Variants in INF2 observed in about 807,000 individuals in gnomAD.
INF2 encodes inverted formin-2.
INF2 carries 43 observed loss-of-function variants against 123.5 expected under a neutral mutation model. The ratio of observed to expected loss-of-function variants is 0.35; its 90% CI spans 0.27 to 0.45. INF2 has a LOEUF of 0.45. Among genes scored for constraint, INF2 ranks in the 20% least tolerant of loss-of-function variants. INF2 has a pLI of 1.00. For synonymous variants in INF2, 851 were observed against 745.0 expected, an observed-to-expected ratio of 1.14 and a Z score of -2.32; for missense variants, 1,453 against 1,682.7, an observed-to-expected ratio of 0.86 and a Z score of 2.39.
In INF2 at chr14:104,701,615, C is replaced by T. The variant is rs748379291; in HGVS notation, c.250C>T (p.Leu84=). The T allele has an allele frequency of 1.2e-6, 2 of 1,603,786 alleles. No homozygotes were observed. Among genetic ancestry groups the T allele is most frequent in the Non-Finnish European group, 8.5e-7 (1 of 1,177,972 alleles). Residue 84 remains leucine (L), a synonymous_variant, in exon 2 of 23, where the codon CTG becomes TTG. Transcript: ENST00000392634. ...LDLLLEALAR[L]SGRGVARISD... ...CCTGCTGCTGGAGGCGCTGGCGCGG[C>T]TGTCGGGCCGCGGCGTTGCACGTAT...
At chr14:104,704,508 C>T in intron 5 of INF2, 1 of 185,828 alleles carries the variant, frequency 5.4e-6, no homozygotes, top group South Asian at 1.2e-4. Flanking sequence ...CTGAGCTGCA[C>T]CTCATGTCAG....
chr14:104,689,589 C>T, upstream of INF2: 15 of 812,960 alleles, frequency 1.8e-5, no homozygotes, highest in Non-Finnish European at 2.1e-5. Context: ...CCTCCTCTTC[C>T]TCCCGCCCGC....
chr14:104,719,195 C>T lies in INF2; in HGVS notation c.*402C>T, dbSNP rs144360641. The T allele has an allele frequency of 2.7e-5, 6 of 218,580 alleles. No homozygotes were observed. The highest frequency in any genetic ancestry group is 5.4e-5 in the Non-Finnish European group (6 of 111,430). 13.5% of individuals were successfully genotyped at this position (218,580 alleles called of 1,614,324 possible). On this transcript the variant is annotated 3_prime_UTR_variant, in exon 23 of 23. Transcript: ENST00000392634. Reference sequence around the variant, plus strand: ...AATCAAAATGCAATGCTTTGCAAGTCTTTACTGCTTGGAGGTGGCTGAGTT... The same window carrying T: ...AATCAAAATGCAATGCTTTGCAAGTTTTTACTGCTTGGAGGTGGCTGAGTT...
upstream of INF2, chr14:104,689,202 A>C: frequency 1.0e-6 from 1 of 985,376 alleles, no homozygotes; most frequent in Non-Finnish European, 1.2e-6. Context: ...GGGACTCCGG[A>C]TCCGGCTGGC....
Position 104,707,370 on chromosome 14 carries a change from A to G in INF2, c.1103A>G (p.Gln368Arg), listed in dbSNP as rs1481694989. 5.6e-6 allele frequency: 9 copies of G among 1,595,812 alleles called. No homozygotes were observed. The East Asian group carries it at 1.8e-4, about 32-fold the overall frequency. Reference protein sequence around the residue: ...KSVQANLDQSQRGSSPQNTTT... With the variant: ...KSVQANLDQSRRGSSPQNTTT... ...GTCCAGGCCAACCTAGACCAGAGCCAGAGGGGCAGCTCCCCGCAAAACACT... is the reference window on the plus strand; with the variant it reads ...GTCCAGGCCAACCTAGACCAGAGCCGGAGGGGCAGCTCCCCGCAAAACACT... The change falls in exon 8 of 23, where the codon CAG becomes CGG. Residue 368 changes from glutamine (Q) to arginine (R), a missense_variant. Gln to Arg is a conservative substitution (Grantham distance 43). Coordinates refer to ENST00000392634, the MANE Select transcript of INF2 (RefSeq NM_022489.4).
In INF2 at chr14:104,706,027, C is replaced by G; in HGVS notation, c.702-8C>G. 6.2e-7 allele frequency: 1 copy of G among 1,611,072 alleles called. No individual in the cohort carries two copies. The highest frequency in any genetic ancestry group is 1.8e-4 in the Middle Eastern group (1 of 5,406). On this transcript the variant is annotated splice_polypyrimidine_tract_variant and splice_region_variant and intron_variant, in intron 5 of 22. Transcript: ENST00000392634. The stretch of plus-strand genomic sequence containing the variant: ...GCAGGCTTAGCCCACCTGGCCCCTC[C>G]TGCACAGAGACCTGGAGGATGCCGA...
At chr14:104,695,337 C>G (rs74091119) in intron 1 of INF2, among the ~76,000 whole-genome samples, 28,746 of 152,148 alleles carry the variant, frequency 0.19, 2,898 homozygotes, top group African/African-American at 0.22. Context: ...TCCCTGGGCC[C>G]CCAGACTCCA....
intron 22 of INF2, 22 bp downstream of exon 22, chr14:104,715,362 C>T (rs200908671): frequency 6.8e-6 from 11 of 1,607,690 alleles, no homozygotes; most frequent in Middle Eastern, 1.7e-4. Flanking sequence ...GCCGGCGCTC[C>T]GTGGGGGCTA....
At chr14:104,683,933 G>A (rs953035240) in intron 1 of INF2, 23 of 413,364 alleles carry the variant, frequency 5.6e-5, no homozygotes, top group Middle Eastern at 4.4e-4. Context: ...ATGGGTTGGG[G>A]TGCGGGTGGG....
intron 10 of INF2, 34 bp from the exon 11 acceptor site, chr14:104,709,247 C>A: frequency 1.3e-6 from 2 of 1,514,872 alleles, no homozygotes; most frequent in African/African-American, 1.4e-5. Context: ...ACTCATGATT[C>A]ACTCACCCCT....
At position 104,721,139 on chromosome 14, in the gene INF2, A is replaced by T; in HGVS notation, c.*2346A>T. On this transcript the variant is annotated 3_prime_UTR_variant, in exon 23 of 23. Coordinates refer to ENST00000392634, the MANE Select transcript of INF2 (RefSeq NM_022489.4). ...GCTGTGGACGTCTGCGTCGTCCTCG[A>T]TGCTGCTGTGGACGTCTGCGTCGTC... 7.3e-6 allele frequency: 1 copy of T among 137,182 alleles called. No individual in the cohort carries two copies. Among genetic ancestry groups the T allele is most frequent in the Non-Finnish European group, 1.5e-5 (1 of 66,490 alleles). 8.5% of individuals were successfully genotyped at this position (137,182 alleles called of 1,614,324 possible).
At chr14:104,706,683 T>C (rs1050784633) in intron 6 of INF2, among the ~76,000 whole-genome samples, 2 of 151,858 alleles carry the variant, frequency 1.3e-5, no homozygotes, top group Non-Finnish European at 2.9e-5. Context: ...GGGCAGGGGG[T>C]GCTGTTGGCA....
Position 104,707,755 on chromosome 14 carries a change from C to T in INF2, c.1488C>T (p.Gly496=), listed in dbSNP as rs1293404365. The T allele has an allele frequency of 7.6e-6, 10 of 1,310,462 alleles. No homozygotes were observed. The highest frequency in any genetic ancestry group is 1.0e-5 in the Non-Finnish European group (10 of 952,528). The allele number at this position is 1,310,462 out of a possible 1,614,324, so 81.2% of individuals were successfully genotyped here. A position where few individuals can be genotyped will look rare whatever the true frequency, so the allele number is the denominator to read the frequency against. ...FLPPPPPPLP[G]LGCPPPPPPL... ...CCCCACCACCTCCACCACTCCCGGGCTTGGGATGCCCGCCCCCACCCCCAC... is the reference window on the plus strand; with the variant it reads ...CCCCACCACCTCCACCACTCCCGGGTTTGGGATGCCCGCCCCCACCCCCAC... Residue 496 remains glycine, a synonymous_variant, in exon 8 of 23, where the codon GGC becomes GGT. Coordinates refer to ENST00000392634, the MANE Select transcript of INF2 (RefSeq NM_022489.4).
In INF2 at chr14:104,707,468, C is replaced by A; in HGVS notation, c.1201C>A (p.Gln401Lys). The A allele has an allele frequency of 6.4e-7, 1 of 1,554,174 alleles. No individual in the cohort carries two copies. The change falls in exon 8 of 23, where the codon CAG (glutamine) becomes AAG (lysine). Residue 401 changes from glutamine (Q) to lysine (K), a missense_variant. Physicochemically the swap from Gln to Lys is moderately conservative, Grantham distance 53. Coordinates refer to ENST00000392634, the MANE Select transcript of INF2 (RefSeq NM_022489.4). ...AAACEPVDHA[Q>K]SESILKVSQP... is the part of the protein sequence containing the mutation. ...TGCCTGCGAGCCCGTGGACCACGCCCAGAGTGAGAGCATCCTGAAAGTTTC... is the reference window on the plus strand; with the variant it reads ...TGCCTGCGAGCCCGTGGACCACGCCAAGAGTGAGAGCATCCTGAAAGTTTC...
intron 16 of INF2, 35 bp from the exon 17 acceptor site, chr14:104,712,398 G>A (rs1156335038): frequency 4.3e-6 from 7 of 1,610,946 alleles, no homozygotes; most frequent in African/African-American, 2.7e-5. Flanking sequence ...GACGTCAGCC[G>A]TTGCTGTCTC....
At chr14:104,692,288 C>T (rs1256339215) in intron 1 of INF2, among the ~76,000 whole-genome samples, 3 of 152,246 alleles carry the variant, frequency 2.0e-5, no homozygotes, top group Non-Finnish European at 2.9e-5. Flanking sequence ...ACAGTCGGTG[C>T]CATTTTACAC....
Position 104,701,647 on chromosome 14 carries a change from C to T in INF2, c.282C>T (p.Asp94=). The T allele has an allele frequency of 1.9e-6, 3 of 1,597,054 alleles. No homozygotes were observed. Among genetic ancestry groups the T allele is most frequent in the East Asian group, 2.2e-5 (1 of 44,538 alleles). Residue 94 remains aspartate (D), a synonymous_variant, in exon 2 of 23, where the codon GAC becomes GAT. Coordinates refer to ENST00000392634, the MANE Select transcript of INF2 (RefSeq NM_022489.4). ...LSGRGVARIS[D]ALLQLTCVSC... ...GCCGCGGCGTTGCACGTATCTCCGA[C>T]GCCCTGCTGCAGCTCACCTGCGTCA... is the stretch of plus-strand genomic sequence containing the variant.
chr14:104,692,252 C>T (rs562199561), intron 1 of INF2, among the ~76,000 whole-genome samples: 113 of 152,322 alleles, frequency 7.4e-4, no homozygotes, highest in Admixed American at 1.8e-3. Context: ...CCTGCAGGAG[C>T]GTTCATTTCA....
At chr14:104,703,535 G>A (rs1408970012) in intron 4 of INF2, 81 bp downstream of exon 4, 3 of 1,570,890 alleles carry the variant, frequency 1.9e-6, no homozygotes, top group South Asian at 2.2e-5. Context: ...ACCTGGGGAG[G>A]TGGGAGCGCC....
Sources: gnomAD v4.1 joint callset for allele counts (sites outside exome capture counted in the v4.1 genomes callset) on GRCh38, gnomAD v4.1.1 for gene constraint, MANE v1.5 for transcripts, NCBI Gene and HGNC (gene_info 2026-07-23, HGNC 2026-07-21) for gene names.